PRKCE: variants seen among roughly 807,000 people sequenced by gnomAD.
PRKCE encodes protein kinase C epsilon type.
A neutral mutation model predicts 85.4 loss-of-function variants in PRKCE; 16 were observed. The observed-to-expected ratio is 0.19, with a 90% CI of 0.13 to 0.28. The LOEUF (loss-of-function observed/expected upper bound fraction) is 0.28, where lower values mean the gene tolerates loss of function less well. Among genes scored for constraint, PRKCE ranks in the 10% least tolerant of loss-of-function variants. PRKCE has a pLI of 1.00. For synonymous variants in PRKCE, 388 were observed against 371.5 expected (o/e 1.04, Z -0.51); for missense variants, 573 against 975.2 (o/e 0.59, Z 5.49).
chr2:46,094,584 A>T lies in PRKCE; in HGVS notation c.1592+8222A>T, dbSNP rs145396581. 8.2e-3 allele frequency among the ~76,000 whole-genome samples: 1,225 copies of T among 150,170 alleles called. 19 individuals carry two copies. Among genetic ancestry groups the T allele is most frequent in the African/African-American group, 0.027 (1,127 of 40,996 alleles). On this transcript the variant is annotated intron_variant, in intron 11 of 14. Transcript: ENST00000306156. ...CAAGTGGGAGCTGAACGATGAGAAC[A>T]CATGGACACATGGTGGGGAACTACA...
chr2:45,737,343 C>T (rs962266890), intron 1 of PRKCE, among the ~76,000 whole-genome samples: 1 of 152,210 alleles, frequency 6.6e-6, no homozygotes, highest in Non-Finnish European at 1.5e-5. Flanking sequence ...ATCCCTCACT[C>T]CCCACCCTGC....
At chr2:46,025,072 A>G (rs1331248027) in intron 10 of PRKCE, among the ~76,000 whole-genome samples, 1 of 151,084 alleles carries the variant, frequency 6.6e-6, no homozygotes, top group Non-Finnish European at 1.5e-5. Context: ...CGAAAATTTG[A>G]CTGTAAAAAA....
At chr2:45,706,341 C>T (rs1253355696) in intron 1 of PRKCE, among the ~76,000 whole-genome samples, 1 of 152,172 alleles carries the variant, frequency 6.6e-6, no homozygotes, top group Non-Finnish European at 1.5e-5. Flanking sequence ...TGAATGCATG[C>T]TGATGGTAAT....
At chr2:45,849,898 C>G (rs1213226653) in intron 2 of PRKCE, among the ~76,000 whole-genome samples, 3 of 152,218 alleles carry the variant, frequency 2.0e-5, no homozygotes, top group African/African-American at 7.2e-5. Context: ...ATTCTTGTTC[C>G]CAGAAGTGAC....
chr2:45,757,675 A>G (rs1573226849), intron 1 of PRKCE, among the ~76,000 whole-genome samples: 1 of 152,198 alleles, frequency 6.6e-6, no homozygotes, highest in Non-Finnish European at 1.5e-5. Flanking sequence ...CTATTAAAAA[A>G]TAATAAATAA....
intron 2 of PRKCE, among the ~76,000 whole-genome samples, chr2:45,916,618 T>G (rs1004958444): frequency 6.6e-6 from 1 of 152,248 alleles, no homozygotes; most frequent in South Asian, 2.1e-4. Flanking sequence ...TCCTCTCAAA[T>G]TGAGTATTTC....
chr2:45,891,972 G>A (rs966049625), intron 2 of PRKCE, among the ~76,000 whole-genome samples: 4 of 152,132 alleles, frequency 2.6e-5, no homozygotes, highest in Admixed American at 6.6e-5. Flanking sequence ...AAAACAACAC[G>A]GTGGCTCAAA....
chr2:46,085,736 GTTTTTTTTTTTTGTTTTTGTTT>G lies in PRKCE; in HGVS notation c.1438-459_1438-438del, dbSNP rs755153557. Among the ~76,000 whole-genome samples, 188 of 104,526 alleles carry G rather than the reference GTTTTTTTTTTTTGTTTTTGTTT, an allele frequency of 1.8e-3. 12 individuals are homozygous for G. The highest frequency in any genetic ancestry group is 2.3e-3 in the East Asian group (7 of 3,020). 68.6% of individuals were successfully genotyped at this position (104,526 alleles called of 152,430 possible). A position where few individuals can be genotyped will look rare whatever the true frequency, so the allele number is the denominator to read the frequency against. Reference sequence around the variant, plus strand: ...TCACTTAATTACATCTGCAAAATCCGTTTTTTTTTTTTGTTTTTGTTTTTTTTTTTTTTTTTAGCCATATAAG... The same window carrying G: ...TCACTTAATTACATCTGCAAAATCCGTTTTTTTTTTTTTTAGCCATATAAG... On this transcript the variant is annotated intron_variant, in intron 10 of 14. Transcript: ENST00000306156.
intron 10 of PRKCE, among the ~76,000 whole-genome samples, chr2:46,085,357 T>C (rs1669493540): frequency 6.6e-6 from 1 of 152,230 alleles, no homozygotes; most frequent in Non-Finnish European, 1.5e-5. Context: ...CATTGCAATC[T>C]ATTGGTCTCC....
rs1669527857 is a variant in PRKCE, at chr2:46,085,588, T to A, written c.1438-620T>A. Reference sequence around the variant, plus strand: ...TGTTTCACTCCAATCTCTGCCTCTGTGGCCACTTGGCCTCCTCCTCCCTGA... The same window carrying A: ...TGTTTCACTCCAATCTCTGCCTCTGAGGCCACTTGGCCTCCTCCTCCCTGA... On this transcript the variant is annotated intron_variant, in intron 10 of 14. Coordinates refer to ENST00000306156, the MANE Select transcript of PRKCE (RefSeq NM_005400.3). Among the ~76,000 whole-genome samples the A allele has an allele frequency of 1.4e-5, 2 of 147,478 alleles. 1 individual carries two copies. Among genetic ancestry groups the A allele is most frequent in the African/African-American group, 5.0e-5 (2 of 39,802 alleles).
chr2:45,955,878 C>T (rs893248232), intron 2 of PRKCE, among the ~76,000 whole-genome samples: 5 of 152,136 alleles, frequency 3.3e-5, no homozygotes, highest in African/African-American at 1.2e-4. Context: ...CAATTACATA[C>T]AGTCGTATAA....
In PRKCE at chr2:46,024,067, T is replaced by G. The variant is rs544118672; in HGVS notation, c.1437+13550T>G. ...GCTAGCTTCTATTATAGAAACCTCA[T>G]TTTGTCTGAATGCCCAGGGGAGATT... is the stretch of plus-strand genomic sequence containing the variant. On this transcript the variant is annotated intron_variant, in intron 10 of 14. Coordinates refer to ENST00000306156, the MANE Select transcript of PRKCE (RefSeq NM_005400.3). 2.0e-5 allele frequency among the ~76,000 whole-genome samples: 3 copies of G among 152,282 alleles called. No homozygotes were observed. The East Asian group carries it at 5.8e-4, about 29-fold the overall frequency.
At chr2:45,727,069 T>C (rs761526817) in intron 1 of PRKCE, among the ~76,000 whole-genome samples, 5 of 152,224 alleles carry the variant, frequency 3.3e-5, no homozygotes, top group African/African-American at 4.8e-5. Context: ...ATTTTCTAGA[T>C]AAAGATGTAT....
chr2:46,024,189 G>A (rs1249930710), intron 10 of PRKCE, among the ~76,000 whole-genome samples: 5 of 152,154 alleles, frequency 3.3e-5, no homozygotes, highest in Admixed American at 1.3e-4. Context: ...AACTACTTAC[G>A]TGAGTTGCCC....
chr2:45,762,639 C>T (rs1056944282), intron 1 of PRKCE, among the ~76,000 whole-genome samples: 4 of 152,186 alleles, frequency 2.6e-5, no homozygotes, highest in African/African-American at 7.2e-5. Context: ...GTGATTCTTC[C>T]CAGACCAGCA....
intron 14 of PRKCE, among the ~76,000 whole-genome samples, chr2:46,172,262 G>A (rs1004080013): frequency 1.3e-5 from 2 of 152,212 alleles, no homozygotes; most frequent in Non-Finnish European, 2.9e-5. Context: ...CCTCTTGCGG[G>A]AGCCAAGACT....
At chr2:45,917,445 C>G (rs1301314136) in intron 2 of PRKCE, among the ~76,000 whole-genome samples, 2 of 152,048 alleles carry the variant, frequency 1.3e-5, no homozygotes, top group Admixed American at 6.5e-5. Context: ...TACAGAGTGT[C>G]AATTGGTGCA....
rs141576443 is a variant in PRKCE at position 46,009,418 on chromosome 2, G to C, written c.1264-926G>C. Among the ~76,000 whole-genome samples, 530 of 152,274 alleles carry C rather than the reference G, an allele frequency of 3.5e-3. 12 individuals carry two copies. Among genetic ancestry groups the C allele is most frequent in the Admixed American group, 0.023 (358 of 15,302 alleles). On this transcript the variant is annotated intron_variant, in intron 9 of 14. Transcript: ENST00000306156. ...AATAATTTACACGAAAAGAAATACA[G>C]TCAGAAAACAGTTAATTTTAAAGTT...
chr2:45,673,942 G>T (rs1021888338), intron 1 of PRKCE, among the ~76,000 whole-genome samples: 2 of 152,116 alleles, frequency 1.3e-5, no homozygotes, highest in Non-Finnish European at 2.9e-5. Flanking sequence ...ATCAGGTCAG[G>T]GTGAATATTA....
Sources: gnomAD v4.1 joint callset for allele counts (sites outside exome capture counted in the v4.1 genomes callset) on GRCh38, gnomAD v4.1.1 for gene constraint, MANE v1.5 for transcripts, NCBI Gene and HGNC (gene_info 2026-07-23, HGNC 2026-07-21) for gene names.